Variants in STT3A observed in about 807,000 individuals in gnomAD.
STT3A encodes the protein STT3 oligosaccharyltransferase complex catalytic subunit A.
A neutral mutation model predicts 89.2 loss-of-function variants in STT3A; 34 were observed. That is an observed-to-expected ratio of 0.38 (90% CI 0.29 to 0.51). The LOEUF (loss-of-function observed/expected upper bound fraction) is 0.51, where lower values mean the gene tolerates loss of function less well. Among genes scored for constraint, STT3A ranks in the 20% least tolerant of loss-of-function variants. The probability of loss-of-function intolerance (pLI) is 0.89; values close to 1 mark genes in which losing one functional copy is unlikely to be tolerated. For synonymous variants in STT3A, 282 were observed against 310.3 expected (o/e 0.91, Z 0.96); for missense variants, 555 against 889.5 (o/e 0.62, Z 4.78).
chr11:125,594,130 T>A (rs977926618), intron 1 of STT3A, among the ~76,000 whole-genome samples: 1 of 152,186 alleles, frequency 6.6e-6, no homozygotes, highest in African/African-American at 2.4e-5. Context: ...CCCGACTTGA[T>A]CATTACACAT....
upstream of STT3A, chr11:125,592,408 C>G (rs1458848132): frequency 4.4e-6 from 2 of 456,272 alleles, no homozygotes; most frequent in Non-Finnish European, 8.8e-6. Context: ...TATTAGGTAA[C>G]AATTTCTACC....
intron 15 of STT3A, among the ~76,000 whole-genome samples, chr11:125,617,576 G>C (rs1030296180): frequency 6.6e-6 from 1 of 152,202 alleles, no homozygotes; most frequent in African/African-American, 2.4e-5. Context: ...TACAGTAAAT[G>C]ATGAACCCTA....
intron 10 of STT3A, 46 bp downstream of exon 10, chr11:125,609,635 A>G: frequency 2.5e-6 from 4 of 1,572,666 alleles, no homozygotes; most frequent in Non-Finnish European, 3.4e-6. Context: ...TAAGAATCAC[A>G]ATTTGATTCC....
At chr11:125,611,205 GT>G (rs1940004535) in intron 10 of STT3A, 3 of 403,276 alleles carry the variant, frequency 7.4e-6, no homozygotes, top group Non-Finnish European at 9.0e-6. Context: ...TTAGCTCCTT[GT>G]TTTTGGACAT....
chr11:125,596,329 G>A (rs1017996953), intron 2 of STT3A, among the ~76,000 whole-genome samples: 10 of 152,162 alleles, frequency 6.6e-5, no homozygotes, highest in Non-Finnish European at 1.2e-4. Flanking sequence ...GTTGAGTGTG[G>A]TGGTGGATGC....
chr11:125,597,811 A>G (rs906366472), intron 3 of STT3A, among the ~76,000 whole-genome samples: 2 of 152,216 alleles, frequency 1.3e-5, no homozygotes, highest in Non-Finnish European at 2.9e-5. Context: ...GGTATTAATA[A>G]CTAGTATTTA....
chr11:125,605,929 A>G lies in STT3A; in HGVS notation c.615+194A>G, dbSNP rs555477755. ...TGCTTCCACTTGCTCACATATCCCT[A>G]AATCCTCTGTGTGACCTTACAGTAG... On this transcript the variant is annotated intron_variant, in intron 7 of 17. Transcript: ENST00000392708. Among the ~76,000 whole-genome samples the G allele has an allele frequency of 3.3e-5, 5 of 152,228 alleles. No homozygotes were observed. The South Asian group carries it at 1.0e-3, about 32-fold the overall frequency.
Position 125,620,969 on chromosome 11 carries a change from C to G in STT3A, c.*159C>G, listed in dbSNP as rs1940331593. 2.0e-6 allele frequency: 1 copy of G among 501,620 alleles called. No homozygotes were observed. The highest frequency in any genetic ancestry group is 3.4e-6 in the Non-Finnish European group (1 of 290,236). 31.1% of individuals were successfully genotyped at this position (501,620 alleles called of 1,614,324 possible). On this transcript the variant is annotated 3_prime_UTR_variant, in exon 18 of 18. Coordinates refer to ENST00000392708, the MANE Select transcript of STT3A (RefSeq NM_152713.5). Reference sequence around the variant, plus strand: ...TTTGTCTTGGGCAGTATGGGCTGGGCCAAATGAAATGATTTTTATAATTCT... The same window carrying G: ...TTTGTCTTGGGCAGTATGGGCTGGGGCAAATGAAATGATTTTTATAATTCT...
At chr11:125,620,226 C>CAG in intron 17 of STT3A, 100 bp downstream of exon 17, 1 of 878,056 alleles carries the variant, frequency 1.1e-6, no homozygotes. Context: ...AGGGAAATTT[C>CAG]TCATGACACC....
At chr11:125,594,287 T>C (rs1939415453) in intron 1 of STT3A, among the ~76,000 whole-genome samples, 1 of 152,120 alleles carries the variant, frequency 6.6e-6, no homozygotes, top group Non-Finnish European at 1.5e-5. Context: ...CACCTTGTAA[T>C]TTAAAAAAGT....
chr11:125,600,823 G>A (rs12275438), intron 3 of STT3A, among the ~76,000 whole-genome samples: 16,112 of 152,136 alleles, frequency 0.11, 1,243 homozygotes, highest in African/African-American at 0.22. Flanking sequence ...GTCTTGCTCT[G>A]TTGCCCAGTC....
intron 8 of STT3A, 48 bp from the exon 9 acceptor site, chr11:125,608,061 A>G (rs1163216614): frequency 1.4e-5 from 21 of 1,527,450 alleles, no homozygotes; most frequent in Admixed American, 2.1e-5. Flanking sequence ...CACTGGACTT[A>G]CTCATTTTTT....
At chr11:125,594,959 G>A (rs1173910631) in intron 1 of STT3A, 1 of 152,182 alleles carries the variant, frequency 6.6e-6, no homozygotes, top group African/African-American at 2.4e-5. Context: ...CAGTGGATCT[G>A]TGTTTGGGTA....
rs1225773612 is a variant in STT3A at position 125,621,967 on chromosome 11, T to C, written c.*1157T>C. ...GGAGGATCACTTGGGCCTGGGAGGT[T>C]GAGGCTACAGTGAACTGTGATTGTG... On this transcript the variant is annotated 3_prime_UTR_variant, in exon 18 of 18. Coordinates refer to ENST00000392708, the MANE Select transcript of STT3A (RefSeq NM_152713.5). The C allele has an allele frequency of 6.6e-6, 1 of 152,204 alleles. No homozygotes were observed. Among genetic ancestry groups the C allele is most frequent in the Non-Finnish European group, 1.5e-5 (1 of 68,054 alleles). The allele number at this position is 152,204 out of a possible 1,614,324, so 9.4% of individuals were successfully genotyped here. A position where few individuals can be genotyped will look rare whatever the true frequency, so the allele number is the denominator to read the frequency against.
intron 12 of STT3A, 82 bp from the exon 13 acceptor site, chr11:125,612,907 T>C (rs769897404): frequency 3.3e-5 from 51 of 1,543,022 alleles, no homozygotes; most frequent in Non-Finnish European, 4.5e-5. Context: ...ATCTCATCTA[T>C]ATGAATGTGT....
chr11:125,618,606 A>T, intron 16 of STT3A, 45 bp downstream of exon 16: 1 of 1,571,784 alleles, frequency 6.4e-7, no homozygotes, highest in Non-Finnish European at 8.7e-7. Context: ...AATAATAGTG[A>T]TTACTAATAC....
intron 16 of STT3A, among the ~76,000 whole-genome samples, chr11:125,619,264 T>C (rs886912730): frequency 7.9e-5 from 12 of 152,006 alleles, no homozygotes; most frequent in African/African-American, 2.7e-4. Flanking sequence ...TTCACTATGT[T>C]GGCCAGGCTG....
chr11:125,602,759 G>C, intron 4 of STT3A, 44 bp from the exon 5 acceptor site: 2 of 1,611,036 alleles, frequency 1.2e-6, no homozygotes, highest in South Asian at 1.1e-5. Context: ...TTTCCCTTAA[G>C]TTCTGGTAAG....
At chr11:125,594,013 TAAC>T (rs1015320397) in intron 1 of STT3A, among the ~76,000 whole-genome samples, 5 of 152,160 alleles carry the variant, frequency 3.3e-5, no homozygotes, top group Admixed American at 1.3e-4. Flanking sequence ...GGAGTATAAT[TAAC>T]AACAAAAATA....
Sources: gnomAD v4.1 joint callset for allele counts (sites outside exome capture counted in the v4.1 genomes callset) on GRCh38, gnomAD v4.1.1 for gene constraint, MANE v1.5 for transcripts, NCBI Gene and HGNC (gene_info 2026-07-23, HGNC 2026-07-21) for gene names.